Variants in POC1B observed in about 807,000 individuals in gnomAD.
The protein encoded by POC1B is POC1 centriolar protein B, also known as POC1 centriolar protein homolog B.
In POC1B, 44 loss-of-function variants were observed where a neutral mutation model predicts 60.6. The observed-to-expected ratio is 0.73, with a 90% confidence interval of 0.57 to 0.93. POC1B has a LOEUF of 0.93. Among genes scored for constraint, POC1B ranks in the 40% least tolerant of loss-of-function variants. The probability of loss-of-function intolerance (pLI) is 0.00; values close to 1 mark genes in which losing one functional copy is unlikely to be tolerated. For synonymous variants in POC1B, 180 were observed against 198.9 expected (o/e 0.90, Z 0.80); for missense variants, 555 against 572.3 (o/e 0.97, Z 0.31).
intron 4 of POC1B, among the ~76,000 whole-genome samples, chr12:89,473,439 G>A (rs1214193441): frequency 2.0e-5 from 3 of 152,164 alleles, no homozygotes; most frequent in Non-Finnish European, 4.4e-5. Flanking sequence ...GGGAGGCTGA[G>A]GCAGGCGGAT....
In POC1B at chr12:89,524,857, C is replaced by G. The variant is rs552149551; in HGVS notation, c.100+263G>C. 4 of 625,932 alleles carry G rather than the reference C, an allele frequency of 6.4e-6. No individual in the cohort carries two copies. In the South Asian group the frequency reaches 7.8e-5, roughly 12 times the overall value. 38.8% of individuals were successfully genotyped at this position (625,932 alleles called of 1,614,324 possible). The stretch of plus-strand genomic sequence containing the variant: ...AAACCCCTCCCCTTCCCACTCACTC[C>G]TCCTGGTGGTTAGTTTGCGAAAGTC... On this transcript the variant is annotated intron_variant, in intron 2 of 11. Coordinates refer to ENST00000313546, the MANE Select transcript of POC1B (RefSeq NM_172240.3).
intron 3 of POC1B, 197 bp downstream of exon 3, chr12:89,496,974 A>G: frequency 3.4e-6 from 2 of 591,216 alleles, no homozygotes; most frequent in Non-Finnish European, 5.9e-6. Context: ...CCATGGTAGG[A>G]AATAGTTTTC....
At chr12:89,416,549 A>G (rs1268063627), downstream of POC1B, among the ~76,000 whole-genome samples, 1 of 152,190 alleles carries the variant, frequency 6.6e-6, no homozygotes, top group East Asian at 1.9e-4. Flanking sequence ...TATGTGAAAG[A>G]CTTGGATATC....
intron 9 of POC1B, chr12:89,461,384 C>T (rs1882476664): frequency 6.6e-6 from 1 of 152,158 alleles, no homozygotes; most frequent in Non-Finnish European, 1.5e-5. Context: ...GACATACTTT[C>T]ACACAGGGTT....
At chr12:89,495,090 C>T (rs1316738315) in intron 3 of POC1B, among the ~76,000 whole-genome samples, 4 of 152,168 alleles carry the variant, frequency 2.6e-5, no homozygotes, top group Non-Finnish European at 4.4e-5. Context: ...TGCTCTGTCC[C>T]TACTAAGACA....
intron 10 of POC1B, among the ~76,000 whole-genome samples, chr12:89,450,177 A>AT (rs1253758976): frequency 6.6e-6 from 1 of 152,070 alleles, no homozygotes; most frequent in Admixed American, 6.6e-5. Flanking sequence ...AAAGGAAAAC[A>AT]TATTTGTAGC....
At chr12:89,432,604 G>A (rs78470783) in intron 10 of POC1B, among the ~76,000 whole-genome samples, 1 of 152,116 alleles carries the variant, frequency 6.6e-6, no homozygotes. Flanking sequence ...ATGTAGATAT[G>A]TGATGTAATG....
chr12:89,517,220 C>T (rs1308377889), intron 2 of POC1B, among the ~76,000 whole-genome samples: 1 of 152,176 alleles, frequency 6.6e-6, no homozygotes, highest in African/African-American at 2.4e-5. Flanking sequence ...TGCTACTCTC[C>T]TTTTAGTCCT....
In POC1B at chr12:89,468,180, G is replaced by A. The variant is rs1882755322; in HGVS notation, c.811-495C>T. Reference sequence around the variant, plus strand: ...AGAGCAGAACACAGATAGGAGGAGAGCTGTGAATGATTAAAATCAGTATCA... The same window carrying A: ...AGAGCAGAACACAGATAGGAGGAGAACTGTGAATGATTAAAATCAGTATCA... On this transcript the variant is annotated intron_variant, in intron 7 of 11. Coordinates refer to ENST00000313546, the MANE Select transcript of POC1B (RefSeq NM_172240.3). Among the ~76,000 whole-genome samples the A allele has an allele frequency of 2.6e-5, 4 of 152,312 alleles. No homozygotes were observed. The South Asian group carries it at 8.3e-4, about 32-fold the overall frequency.
At chr12:89,433,282 G>A (rs1592581945) in intron 10 of POC1B, among the ~76,000 whole-genome samples, 1 of 152,198 alleles carries the variant, frequency 6.6e-6, no homozygotes. Context: ...TATCACAAAT[G>A]TGTGCTGATA....
At chr12:89,438,050 CA>C (rs535891630) in intron 10 of POC1B, among the ~76,000 whole-genome samples, 25,151 of 124,300 alleles carry the variant, frequency 0.2, 2,301 homozygotes, top group Middle Eastern at 0.32. Context: ...GAAACCGTCT[CA>C]AAAAAAAAAA....
At chr12:89,521,426 C>T (rs1870861948) in intron 2 of POC1B, 1 of 152,136 alleles carries the variant, frequency 6.6e-6, no homozygotes, top group South Asian at 2.1e-4. Flanking sequence ...TTTTTAAAAC[C>T]CATTTCTCTT....
At chr12:89,497,019 ATGAATTAGT>A in intron 3 of POC1B, 143 bp downstream of exon 3, 2 of 752,940 alleles carry the variant, frequency 2.7e-6, no homozygotes, top group Non-Finnish European at 4.2e-6. Flanking sequence ...AAAAAATTGT[ATGAATTAGT>A]TTGACTTTAC....
intron 10 of POC1B, among the ~76,000 whole-genome samples, chr12:89,459,160 C>T (rs973523480): frequency 1.3e-5 from 2 of 151,938 alleles, no homozygotes; most frequent in African/African-American, 4.8e-5. Flanking sequence ...TGGGTGGCAT[C>T]TTAATACGTG....
At chr12:89,424,640 G>A (rs1384394842) in intron 11 of POC1B, among the ~76,000 whole-genome samples, 1 of 152,126 alleles carries the variant, frequency 6.6e-6, no homozygotes, top group African/African-American at 2.4e-5. Context: ...CTTAAATTAT[G>A]TCTGTACCTT....
chr12:89,407,199 G>A, the POC1B span, among the ~76,000 whole-genome samples: 1 of 148,510 alleles, frequency 6.7e-6, no homozygotes. Flanking sequence ...ATTTTCACTT[G>A]ATATTGATTT....
At chr12:89,487,808 C>T (rs2135734034) in intron 4 of POC1B, among the ~76,000 whole-genome samples, 1 of 152,308 alleles carries the variant, frequency 6.6e-6, no homozygotes, top group East Asian at 1.9e-4. Flanking sequence ...CTTCTCTCCC[C>T]TCAGCTCTGG....
At chr12:89,401,653 G>A in the POC1B span, among the ~76,000 whole-genome samples, 3 of 152,116 alleles carry the variant, frequency 2.0e-5, no homozygotes, top group Non-Finnish European at 4.4e-5. Flanking sequence ...TTCCCTCACT[G>A]GAGGTTGAAT....
intron 2 of POC1B, among the ~76,000 whole-genome samples, chr12:89,517,409 G>T (rs192758753): frequency 5.1e-4 from 77 of 152,242 alleles, no homozygotes; most frequent in Non-Finnish European, 9.6e-4. Context: ...GAGGTGGGTG[G>T]ATCACTTGAG....
Sources: gnomAD v4.1 joint callset for allele counts (sites outside exome capture counted in the v4.1 genomes callset) on GRCh38, gnomAD v4.1.1 for gene constraint, MANE v1.5 for transcripts, NCBI Gene and HGNC (gene_info 2026-07-23, HGNC 2026-07-21) for gene names.